Variants in OPCML observed in about 807,000 individuals in gnomAD.
OPCML encodes the protein opioid-binding protein/cell adhesion molecule.
A neutral mutation model predicts 37.8 loss-of-function variants in OPCML; 13 were observed. The ratio of observed to expected loss-of-function variants is 0.34; its 90% confidence interval spans 0.22 to 0.55. OPCML has a LOEUF of 0.55. OPCML is among the 20% of genes least tolerant of loss of function. The probability of loss-of-function intolerance (pLI) is 0.91; values close to 1 mark genes in which losing one functional copy is unlikely to be tolerated. For missense variants in OPCML, 341 were observed against 435.6 expected (o/e 0.78, Z 1.93); for synonymous variants, 176 against 168.8 (o/e 1.04, Z -0.33).
At position 133,208,167 on chromosome 11, in the gene OPCML, C is replaced by T. The variant is rs566040545; in HGVS notation, c.62-265157G>A. On this transcript the variant is annotated intron_variant, in intron 1 of 7. Transcript: ENST00000524381. The surrounding 1 kb of genome is among the most constrained non-coding windows in gnomAD (Gnocchi z 8.9). ...CTTCCTTACTGTATTATACATTATG[C>T]TGGGGAAGGCAGACTGTCTATCTTG... 6.6e-6 allele frequency among the ~76,000 whole-genome samples: 1 copy of T among 152,252 alleles called. No individual in the cohort carries two copies. Among genetic ancestry groups the T allele is most frequent in the South Asian group, 2.1e-4 (1 of 4,820 alleles).
intron 2 of OPCML, among the ~76,000 whole-genome samples, chr11:132,910,238 G>A (rs1257616176): frequency 1.3e-5 from 2 of 148,914 alleles, no homozygotes; most frequent in Non-Finnish European, 3.0e-5. Context: ...GGGACTGGCA[G>A]TGGTACAGCA....
intron 2 of OPCML, among the ~76,000 whole-genome samples, chr11:132,775,546 C>A (rs575711457): frequency 1.3e-5 from 2 of 152,296 alleles, no homozygotes; most frequent in East Asian, 3.9e-4. Flanking sequence ...GCCTCCCTGG[C>A]ACTCTGAGAT....
At chr11:132,761,473 A>G (rs1407274894) in intron 2 of OPCML, among the ~76,000 whole-genome samples, 2 of 152,062 alleles carry the variant, frequency 1.3e-5, no homozygotes, top group African/African-American at 4.8e-5. Context: ...GTTTTCACAT[A>G]GTCCCTTATT....
Position 133,191,500 on chromosome 11 carries a change from TGTGG to T in OPCML, c.62-248494_62-248491del, listed in dbSNP as rs1312412770. The stretch of plus-strand genomic sequence containing the variant: ...TCTGTATCTTTTTCTTTTCTGTGTG[TGTGG>T]GTGTGTGTGTGTGTGTGTGTGTGTG... On this transcript the variant is annotated intron_variant, in intron 1 of 7. Transcript: ENST00000524381. 4.2e-3 allele frequency among the ~76,000 whole-genome samples: 515 copies of T among 123,662 alleles called. 1 individual carries two copies. The highest frequency in any genetic ancestry group is 0.013 in the African/African-American group (354 of 27,958). 81.1% of individuals were successfully genotyped at this position (123,662 alleles called of 152,430 possible).
intron 1 of OPCML, among the ~76,000 whole-genome samples, chr11:133,387,380 C>A (rs1945077288): frequency 6.6e-6 from 1 of 152,206 alleles, no homozygotes; most frequent in East Asian, 1.9e-4. Flanking sequence ...CGGGGTGTTA[C>A]ATGGCCTGCA....
At chr11:133,265,838 G>A (rs1349578219) in intron 1 of OPCML, among the ~76,000 whole-genome samples, 1 of 152,224 alleles carries the variant, frequency 6.6e-6, no homozygotes, top group Admixed American at 6.5e-5. Flanking sequence ...AAGGGGAAAT[G>A]TGCCGGAAGC....
chr11:133,074,843 T>A (rs146136757), intron 1 of OPCML, among the ~76,000 whole-genome samples: 3 of 152,336 alleles, frequency 2.0e-5, no homozygotes, highest in Non-Finnish European at 4.4e-5. Context: ...GAAACAGAGC[T>A]ATCAGAAGCC....
intron 1 of OPCML, among the ~76,000 whole-genome samples, chr11:132,957,648 G>A (rs574178083): frequency 2.6e-5 from 4 of 152,038 alleles, no homozygotes; most frequent in Admixed American, 2.6e-4. Flanking sequence ...CAAGTCTATC[G>A]GCACCATTTT....
intron 1 of OPCML, among the ~76,000 whole-genome samples, chr11:133,188,967 T>A (rs1381623936): frequency 1.3e-5 from 2 of 152,152 alleles, no homozygotes; most frequent in Non-Finnish European, 2.9e-5. Flanking sequence ...TTCAAAGATA[T>A]CCCAGTACAA....
intron 1 of OPCML, among the ~76,000 whole-genome samples, chr11:133,157,340 A>T (rs1044947263): frequency 1.3e-5 from 2 of 152,200 alleles, no homozygotes; most frequent in Non-Finnish European, 2.9e-5. Flanking sequence ...AGGCAGCTGC[A>T]GTCGGAGCTC....
At chr11:133,155,401 C>T (rs1227479299) in intron 1 of OPCML, among the ~76,000 whole-genome samples, 2 of 152,102 alleles carry the variant, frequency 1.3e-5, no homozygotes, top group Non-Finnish European at 2.9e-5. Context: ...TTTCACCACC[C>T]GTCTCCTTCT....
chr11:133,137,447 CTGTT>C (rs1367644462), intron 1 of OPCML, among the ~76,000 whole-genome samples: 2 of 152,274 alleles, frequency 1.3e-5, no homozygotes, highest in Non-Finnish European at 2.9e-5. Flanking sequence ...TGCCATGTGT[CTGTT>C]TGCTTGTTTT....
intron 3 of OPCML, among the ~76,000 whole-genome samples, chr11:132,586,498 T>C (rs1412395910): frequency 2.6e-5 from 4 of 152,202 alleles, no homozygotes; most frequent in South Asian, 2.1e-4. Context: ...GTCAGTGATA[T>C]AGTGAATGCA....
chr11:132,815,282 C>T (rs750143684), intron 2 of OPCML, among the ~76,000 whole-genome samples: 12 of 152,092 alleles, frequency 7.9e-5, no homozygotes, highest in African/African-American at 2.7e-4. Context: ...AAGTCTCCTC[C>T]GCATCTTGAC....
At chr11:132,718,485 G>A (rs972621556) in intron 2 of OPCML, among the ~76,000 whole-genome samples, 2 of 152,130 alleles carry the variant, frequency 1.3e-5, no homozygotes, top group Non-Finnish European at 2.9e-5. Flanking sequence ...TTAGGACCAG[G>A]CATCCGTAAG....
chr11:132,515,921 G>A (rs2096278709), intron 4 of OPCML, among the ~76,000 whole-genome samples: 2 of 152,156 alleles, frequency 1.3e-5, no homozygotes, highest in South Asian at 4.2e-4. Context: ...GTGTCACACA[G>A]AGAACTGGAT....
At chr11:132,896,037 T>C (rs867505584) in intron 2 of OPCML, among the ~76,000 whole-genome samples, 2 of 152,194 alleles carry the variant, frequency 1.3e-5, no homozygotes, top group Middle Eastern at 3.2e-3. Flanking sequence ...AATTTACTTA[T>C]ATGGACCCTC....
rs182718970 is a variant in OPCML at position 132,574,499 on chromosome 11, A to T, written c.380-45313T>A. ...GCCTTGCAGTATTACATAATTTTTT[A>T]AAAAATTCTTCTTTTGACCTATTGT... On this transcript the variant is annotated intron_variant, in intron 3 of 7. Transcript: ENST00000524381. 3.5e-3 allele frequency among the ~76,000 whole-genome samples: 533 copies of T among 151,684 alleles called. 1 individual carries two copies. The highest frequency in any genetic ancestry group is 0.02 in the Middle Eastern group (6 of 294).
chr11:132,644,466 T>C (rs1941039911), intron 3 of OPCML, among the ~76,000 whole-genome samples: 1 of 151,086 alleles, frequency 6.6e-6, no homozygotes, highest in Non-Finnish European at 1.5e-5. Context: ...ATAATCTATC[T>C]GAACAGAAAT....
Sources: gnomAD v4.1 joint callset for allele counts (sites outside exome capture counted in the v4.1 genomes callset) on GRCh38, gnomAD v4.1.1 for gene constraint, Gnocchi (gnomAD v3.1) non-coding constraint, MANE v1.5 for transcripts, NCBI Gene and HGNC (gene_info 2026-07-23, HGNC 2026-07-21) for gene names.